PUS10: variants seen among roughly 807,000 people sequenced by gnomAD.
The protein encoded by PUS10 is tRNA pseudouridine synthase Pus10.
A neutral mutation model predicts 75.0 loss-of-function variants in PUS10; 59 were observed. That is an observed-to-expected ratio of 0.79 (90% confidence interval 0.64 to 0.98). PUS10 has a LOEUF of 0.98. Among genes scored for constraint, PUS10 ranks in the 50% least tolerant of loss-of-function variants. The pLI is 0.00. For synonymous variants in PUS10, 219 were observed against 211.6 expected (o/e 1.03, Z -0.30); for missense variants, 650 against 614.4 (o/e 1.06, Z -0.61).
intron 1 of PUS10, among the ~76,000 whole-genome samples, chr2:61,013,581 C>A (rs1349152461): frequency 6.6e-6 from 1 of 152,212 alleles, no homozygotes; most frequent in African/African-American, 2.4e-5. Context: ...TGCCTTTTCT[C>A]CCATTAATCA....
At position 61,001,364 on chromosome 2, in the gene PUS10, C is replaced by T. The variant is rs910036394; in HGVS notation, c.468+5193G>A. 2.0e-5 allele frequency among the ~76,000 whole-genome samples: 3 copies of T among 152,024 alleles called. No homozygotes were observed. The East Asian group carries it at 5.8e-4, about 29-fold the overall frequency. ...CAATCTTGGCTCACTGCAGCCTCCC[C>T]CTCCCGGGTTCAAATGATTCTCCTG... On this transcript the variant is annotated intron_variant, in intron 4 of 17. Transcript: ENST00000316752.
At chr2:60,956,092 T>TAA (rs61671076) in intron 11 of PUS10, among the ~76,000 whole-genome samples, 2 of 141,958 alleles carry the variant, frequency 1.4e-5, no homozygotes, top group African/African-American at 5.2e-5. Context: ...AGGAGAAAAT[T>TAA]AAAAAAAAAA....
In PUS10 at chr2:60,971,539, C is replaced by T. The variant is rs910458931; in HGVS notation, c.487G>A (p.Val163Ile). ...ATTACTTACCCCATTTCCTGTTTTA[C>T]CAGCAACCATGCAGCATGCTGTAGG... The part of the protein sequence containing the change: ...SVREHAAWLL[V>I]KQEMGKQSLS... Residue 163 changes from valine to isoleucine, a missense_variant, in exon 5 of 18, where the codon GTA (valine) becomes ATA (isoleucine). Transcript: ENST00000316752. 3 of 1,613,670 alleles carry T rather than the reference C, an allele frequency of 1.9e-6. No homozygotes were observed. Among genetic ancestry groups the T allele is most frequent in the Non-Finnish European group, 1.7e-6 (2 of 1,179,712 alleles).
chr2:60,949,399 C>T (rs1033624601), intron 15 of PUS10, among the ~76,000 whole-genome samples: 3 of 152,166 alleles, frequency 2.0e-5, no homozygotes, highest in African/African-American at 7.2e-5. Context: ...GTACTTTGAC[C>T]ATGAGACAGT....
chr2:60,961,208 C>A (rs1001094388), intron 10 of PUS10, among the ~76,000 whole-genome samples: 3 of 152,188 alleles, frequency 2.0e-5, no homozygotes. Flanking sequence ...TTGGCCATCT[C>A]TGATGAGAAC....
chr2:61,005,277 A>G (rs1302876626), intron 4 of PUS10, among the ~76,000 whole-genome samples: 1 of 152,180 alleles, frequency 6.6e-6, no homozygotes, highest in African/African-American at 2.4e-5. Context: ...AAACAAACAA[A>G]CAAACAAACA....
intron 8 of PUS10, among the ~76,000 whole-genome samples, chr2:60,964,804 T>A (rs1208081134): frequency 6.6e-6 from 1 of 152,194 alleles, no homozygotes; most frequent in Non-Finnish European, 1.5e-5. Context: ...TGATTCTAAA[T>A]TTAACATCGT....
intron 4 of PUS10, among the ~76,000 whole-genome samples, chr2:60,997,034 G>T (rs193068240): frequency 6.6e-6 from 1 of 152,148 alleles, no homozygotes; most frequent in Non-Finnish European, 1.5e-5. Context: ...GATCACCAAG[G>T]TCTCATATAG....
chr2:61,007,523 C>T (rs903137177), intron 3 of PUS10, among the ~76,000 whole-genome samples: 1 of 151,906 alleles, frequency 6.6e-6, no homozygotes, highest in Non-Finnish European at 1.5e-5. Context: ...AATCCCAACA[C>T]TTTGGGAGGC....
chr2:60,975,228 C>T (rs1042638575), intron 4 of PUS10, among the ~76,000 whole-genome samples: 2 of 152,128 alleles, frequency 1.3e-5, no homozygotes, highest in African/African-American at 4.8e-5. Context: ...GTCACTGCAA[C>T]CTCCACCTCC....
At chr2:61,017,911 G>A (rs529814036) in intron 1 of PUS10, 97 bp downstream of exon 1, 32 of 1,502,952 alleles carry the variant, frequency 2.1e-5, no homozygotes, top group Non-Finnish European at 2.9e-5. Context: ...CTTGGCAGGA[G>A]GCGGTTGTAG....
intron 1 of PUS10, among the ~76,000 whole-genome samples, chr2:61,015,560 G>A (rs1012940550): frequency 3.3e-5 from 5 of 152,110 alleles, no homozygotes; most frequent in Non-Finnish European, 7.4e-5. Flanking sequence ...TTAGCCATGC[G>A]TGGTGGCACG....
chr2:60,951,266 C>G (rs1447871498), intron 15 of PUS10, among the ~76,000 whole-genome samples: 1 of 152,120 alleles, frequency 6.6e-6, no homozygotes, highest in East Asian at 1.9e-4. Context: ...ACCTTTTTGG[C>G]ACCAGGGACC....
chr2:61,010,864 C>A (rs1009062754), intron 2 of PUS10: 2 of 1,550,198 alleles, frequency 1.3e-6, no homozygotes, highest in African/African-American at 1.4e-5. Context: ...GGTTGCTTAA[C>A]CTCTCTGTAT....
chr2:60,950,633 G>T (rs1463712353), intron 15 of PUS10, among the ~76,000 whole-genome samples: 1 of 152,142 alleles, frequency 6.6e-6, no homozygotes, highest in East Asian at 1.9e-4. Flanking sequence ...AGGCCAGGCT[G>T]GTCTCAAACT....
At chr2:61,011,722 C>T (rs1343700989) in intron 2 of PUS10, 43 bp downstream of exon 2, 6 of 1,403,778 alleles carry the variant, frequency 4.3e-6, no homozygotes, top group Non-Finnish European at 5.7e-6. Flanking sequence ...ATACAGAGAA[C>T]CTTCTCTTAA....
chr2:60,942,936 C>G (rs1299023999), intron 17 of PUS10, among the ~76,000 whole-genome samples: 1 of 149,308 alleles, frequency 6.7e-6, no homozygotes, highest in African/African-American at 2.5e-5. Context: ...GAAGCTGAGG[C>G]AGGAGAACAG....
At chr2:60,999,993 T>A (rs1392828343) in intron 4 of PUS10, among the ~76,000 whole-genome samples, 2 of 152,166 alleles carry the variant, frequency 1.3e-5, no homozygotes, top group Non-Finnish European at 2.9e-5. Flanking sequence ...TATACCATTT[T>A]ATATGAGAAA....
In PUS10 at chr2:60,942,121, T is replaced by A. The variant is rs572053572; in HGVS notation, c.*274A>T. ...TGTGCACCTCTCTAAATGAAAGAAT[T>A]AAGGAGAATTATTTCATTATTCATA... is the stretch of plus-strand genomic sequence containing the variant. On this transcript the variant is annotated 3_prime_UTR_variant, in exon 18 of 18. Transcript: ENST00000316752. The A allele has an allele frequency of 8.1e-6, 3 of 369,826 alleles. No homozygotes were observed. Among genetic ancestry groups the A allele is most frequent in the African/African-American group, 6.3e-5 (3 of 47,994 alleles). 22.9% of individuals were successfully genotyped at this position (369,826 alleles called of 1,614,324 possible).
Sources: gnomAD v4.1 joint callset for allele counts (sites outside exome capture counted in the v4.1 genomes callset) on GRCh38, gnomAD v4.1.1 for gene constraint, MANE v1.5 for transcripts, NCBI Gene and HGNC (gene_info 2026-07-23, HGNC 2026-07-21) for gene names.